The following TSHZ2 variants were observed in gnomAD, a reference collection of about 807,000 sequenced individuals.
The protein encoded by TSHZ2 is teashirt homolog 2.
A neutral mutation model predicts 74.4 loss-of-function variants in TSHZ2; 21 were observed. That is an observed-to-expected ratio of 0.28 (90% CI 0.20 to 0.41). The LOEUF is 0.41. Ranked by LOEUF, TSHZ2 falls within the 10% of genes least tolerant of loss-of-function variation. TSHZ2 has a pLI of 1.00. For missense variants in TSHZ2, 1,244 were observed against 1,293.5 expected (o/e 0.96, Z 0.59); for synonymous variants, 540 against 515.3 (o/e 1.05, Z -0.65).
At chr20:53,096,600 C>T (rs575742385) in intron 1 of TSHZ2, among the ~76,000 whole-genome samples, 10 of 151,118 alleles carry the variant, frequency 6.6e-5, no homozygotes, top group African/African-American at 9.7e-5. Context: ...CAGGTTTTCT[C>T]GGCCAGGCGC....
At chr20:53,272,767 A>G (rs770256969) in intron 2 of TSHZ2, among the ~76,000 whole-genome samples, 23 of 152,196 alleles carry the variant, frequency 1.5e-4, no homozygotes, top group Non-Finnish European at 2.6e-4. Context: ...AGAAATGTCT[A>G]TGCTAACTCT....
chr20:53,307,177 A>G (rs1978579847), intron 2 of TSHZ2, among the ~76,000 whole-genome samples: 1 of 151,844 alleles, frequency 6.6e-6, no homozygotes, highest in Non-Finnish European at 1.5e-5. Context: ...ATGCAACGCA[A>G]TGCCACCTGT....
At chr20:53,031,452 G>A (rs1983636310) in intron 1 of TSHZ2, among the ~76,000 whole-genome samples, 1 of 152,202 alleles carries the variant, frequency 6.6e-6, no homozygotes, top group African/African-American at 2.4e-5. Context: ...AGACAAGTGA[G>A]ACAACAGTTG....
chr20:53,447,918 T>C lies in TSHZ2; in HGVS notation c.*9-39226T>C, dbSNP rs1015650819. Among the ~76,000 whole-genome samples, 11 of 151,396 alleles carry C rather than the reference T, an allele frequency of 7.3e-5. No homozygotes were observed. The East Asian group carries it at 7.7e-4, about 11-fold the overall frequency. Reference sequence around the variant, plus strand: ...TATTGCCAGGGAAGAAGAAATTTTTTTTTTTTTTTTTTTGAGACGGAGTCT... The same window carrying C: ...TATTGCCAGGGAAGAAGAAATTTTTCTTTTTTTTTTTTTGAGACGGAGTCT... On this transcript the variant is annotated intron_variant, in intron 2 of 2. Transcript: ENST00000371497.
chr20:53,254,077 A>T lies in TSHZ2; in HGVS notation c.619A>T (p.Thr207Ser). 1 of 1,614,124 alleles carries T rather than the reference A, an allele frequency of 6.2e-7. No individual in the cohort carries two copies. Among genetic ancestry groups the T allele is most frequent in the Non-Finnish European group, 8.5e-7 (1 of 1,180,032 alleles). Residue 207 changes from threonine to serine, a missense_variant, in exon 2 of 3, where the codon ACT (threonine) becomes TCT (serine). Coordinates refer to ENST00000371497, the MANE Select transcript of TSHZ2 (RefSeq NM_173485.6). ...LYRQSSKMCGTVFTGASRFRC... is the reference protein window; with the variant it reads ...LYRQSSKMCGSVFTGASRFRC... The stretch of plus-strand genomic sequence containing the variant: ...CCGACAGAGCAGCAAGATGTGCGGG[A>T]CTGTGTTCACAGGGGCCAGCAGATT...
chr20:53,270,991 C>CATGGAGAT (rs2123759461), intron 2 of TSHZ2, among the ~76,000 whole-genome samples: 1 of 152,270 alleles, frequency 6.6e-6, no homozygotes, highest in South Asian at 2.1e-4. Flanking sequence ...GAGCAGTAAC[C>CATGGAGAT]ATGGAGATGG....
rs150635072 is a variant in TSHZ2 at position 53,072,090 on chromosome 20, C to T, written c.40+98757C>T. Among the ~76,000 whole-genome samples, 15 of 152,264 alleles carry T rather than the reference C, an allele frequency of 9.9e-5. No homozygotes were observed. In the East Asian group the frequency reaches 2.3e-3, roughly 23 times the overall value. On this transcript the variant is annotated intron_variant, in intron 1 of 2. Coordinates refer to ENST00000371497, the MANE Select transcript of TSHZ2 (RefSeq NM_173485.6). The stretch of plus-strand genomic sequence containing the variant: ...CACCTGGCCCCAAATGTCAGTCGCG[C>T]GGAGGCTGGGGAACCCCGGTGGAAT...
chr20:53,379,170 C>G (rs1451796080), intron 2 of TSHZ2, among the ~76,000 whole-genome samples: 1 of 152,120 alleles, frequency 6.6e-6, no homozygotes, highest in Non-Finnish European at 1.5e-5. Context: ...TGGCTTGAGC[C>G]CAAGAGTTTG....
At chr20:52,997,136 T>C (rs1277657248) in intron 1 of TSHZ2, among the ~76,000 whole-genome samples, 1 of 152,172 alleles carries the variant, frequency 6.6e-6, no homozygotes, top group Non-Finnish European at 1.5e-5. Context: ...TCAGTGCACC[T>C]GGGAGAGATG....
intron 1 of TSHZ2, among the ~76,000 whole-genome samples, chr20:53,236,125 CCTGA>C (rs1216719422): frequency 3.9e-5 from 6 of 152,194 alleles, no homozygotes; most frequent in African/African-American, 1.4e-4. Context: ...GCCTCAGAAG[CCTGA>C]CTGTCACCTC....
intron 1 of TSHZ2, among the ~76,000 whole-genome samples, chr20:53,016,214 A>G (rs1010121325): frequency 2.6e-5 from 4 of 152,138 alleles, no homozygotes; most frequent in Non-Finnish European, 5.9e-5. Flanking sequence ...TTCCAATTCA[A>G]TCATTCAGGC....
chr20:52,973,180 C>CTAGG lies in TSHZ2; in HGVS notation c.-113_-110dup. The CTAGG allele has an allele frequency of 7.1e-7, 1 of 1,407,354 alleles. No homozygotes were observed. Among genetic ancestry groups the CTAGG allele is most frequent in the South Asian group, 1.3e-5 (1 of 78,312 alleles). The allele number at this position is 1,407,354 out of a possible 1,614,324, so 87.2% of individuals were successfully genotyped here. On this transcript the variant is annotated 5_prime_UTR_variant, in exon 1 of 3. The change abolishes the stop of an existing upstream ORF in the 5' untranslated region. Transcript: ENST00000371497. ...AGGGGGACAGAGGCCGAGTGACGTC[C>CTAGG]TAGGAGCCACCGGGCAAGAGGCGGA...
Position 52,995,761 on chromosome 20 carries a change from C to T in TSHZ2, c.40+22428C>T, listed in dbSNP as rs567751798. On this transcript the variant is annotated intron_variant, in intron 1 of 2. Transcript: ENST00000371497. Reference sequence around the variant, plus strand: ...CTGAGTAGCTGGGACTACAGGCATACGCCTCCATACCTGGCTAATTTTTGT... The same window carrying T: ...CTGAGTAGCTGGGACTACAGGCATATGCCTCCATACCTGGCTAATTTTTGT... Among the ~76,000 whole-genome samples, 23 of 151,452 alleles carry T rather than the reference C, an allele frequency of 1.5e-4. No individual in the cohort carries two copies. In the South Asian group the frequency reaches 3.3e-3, roughly 22 times the overall value.
At chr20:53,073,811 A>T (rs888261893) in intron 1 of TSHZ2, among the ~76,000 whole-genome samples, 1 of 152,042 alleles carries the variant, frequency 6.6e-6, no homozygotes, top group African/African-American at 2.4e-5. Flanking sequence ...ATTGATGTAC[A>T]TTTTTAACTT....
At chr20:53,036,598 T>C (rs959200366) in intron 1 of TSHZ2, among the ~76,000 whole-genome samples, 1 of 149,246 alleles carries the variant, frequency 6.7e-6, no homozygotes, top group African/African-American at 2.4e-5. Context: ...CATTTTATTA[T>C]GTATATCATA....
chr20:52,988,073 C>A (rs983691816), intron 1 of TSHZ2, among the ~76,000 whole-genome samples: 5 of 152,068 alleles, frequency 3.3e-5, no homozygotes, highest in African/African-American at 1.2e-4. Context: ...CTGAATCAGA[C>A]TTCCAAGCCC....
chr20:53,171,379 T>G (rs1172664682), intron 1 of TSHZ2, among the ~76,000 whole-genome samples: 1 of 152,222 alleles, frequency 6.6e-6, no homozygotes, highest in Non-Finnish European at 1.5e-5. Flanking sequence ...CTAATCCACA[T>G]GCTTTTAATT....
chr20:53,162,865 G>A (rs933397611), intron 1 of TSHZ2, among the ~76,000 whole-genome samples: 2 of 152,118 alleles, frequency 1.3e-5, no homozygotes, highest in African/African-American at 4.8e-5. Context: ...GTTGGAAGCA[G>A]GTTTAAAATG....
intron 1 of TSHZ2, among the ~76,000 whole-genome samples, chr20:53,021,609 T>G (rs1272987611): frequency 6.6e-6 from 1 of 152,170 alleles, no homozygotes; most frequent in South Asian, 2.1e-4. Context: ...TGCATCTCTG[T>G]TTTTTATTTT....
Sources: allele counts gnomAD v4.1 joint callset (sites outside exome capture counted in the v4.1 genomes callset), GRCh38; gene constraint gnomAD v4.1.1; transcripts MANE v1.5; gene names NCBI Gene and HGNC (gene_info 2026-07-23, HGNC 2026-07-21).